NYAP2: variants seen among roughly 807,000 people sequenced by gnomAD.
NYAP2 encodes the protein neuronal tyrosine-phosphorylated phosphoinositide-3-kinase adaptor 2.
Under a neutral mutation model 50.4 loss-of-function variants are expected in NYAP2, and 23 were observed. That is an observed-to-expected ratio of 0.46 (90% CI 0.33 to 0.65). NYAP2 has a LOEUF of 0.65. Ranked by LOEUF, NYAP2 falls within the 30% of genes least tolerant of loss-of-function variation. NYAP2 has a pLI of 0.02. For synonymous variants in NYAP2, 394 were observed against 365.2 expected, an observed-to-expected ratio of 1.08 and a Z score of -0.90; for missense variants, 885 against 861.0, an observed-to-expected ratio of 1.03 and a Z score of -0.35.
chr2:225,668,572 A>C, the NYAP2 span, among the ~76,000 whole-genome samples: 10 of 152,186 alleles, frequency 6.6e-5, no homozygotes, highest in Admixed American at 6.5e-4. Context: ...ATGTTTTCTC[A>C]TGTGACCATC....
intron 6 of NYAP2, among the ~76,000 whole-genome samples, chr2:225,629,460 T>A (rs1693272363): frequency 6.6e-6 from 1 of 152,196 alleles, no homozygotes; most frequent in African/African-American, 2.4e-5. Context: ...AGTTGACACA[T>A]AAAATCACGT....
At chr2:225,566,722 A>T (rs1262624291) in intron 4 of NYAP2, among the ~76,000 whole-genome samples, 1 of 152,238 alleles carries the variant, frequency 6.6e-6, no homozygotes, top group African/African-American at 2.4e-5. Flanking sequence ...TGATGGCTTC[A>T]AAATATTTGG....
chr2:225,567,658 A>G (rs1691985101), intron 4 of NYAP2, among the ~76,000 whole-genome samples: 1 of 151,866 alleles, frequency 6.6e-6, no homozygotes, highest in African/African-American at 2.4e-5. Context: ...GAAGGGGAGG[A>G]GCTGGTGATG....
intron 4 of NYAP2, among the ~76,000 whole-genome samples, chr2:225,516,727 T>C (rs777389963): frequency 6.6e-6 from 1 of 152,198 alleles, no homozygotes; most frequent in Non-Finnish European, 1.5e-5. Flanking sequence ...AAATTATTAA[T>C]ATATCAATAT....
At chr2:225,655,162 A>T (rs1305898254), downstream of NYAP2, among the ~76,000 whole-genome samples, 1 of 152,234 alleles carries the variant, frequency 6.6e-6, no homozygotes, top group African/African-American at 2.4e-5. Flanking sequence ...ATCTGTAGAA[A>T]TGTATAATTG....
chr2:225,551,933 C>T (rs915573333), intron 4 of NYAP2, among the ~76,000 whole-genome samples: 6 of 152,202 alleles, frequency 3.9e-5, no homozygotes, highest in African/African-American at 1.4e-4. Flanking sequence ...CTGCCTCAGC[C>T]TCCCAAATAG....
downstream of NYAP2, among the ~76,000 whole-genome samples, chr2:225,657,519 GAAAAAC>G (rs1693846933): frequency 8.3e-6 from 1 of 120,898 alleles, no homozygotes. Flanking sequence ...GAATCAAGCA[GAAAAAC>G]AAAAACAAGT....
intron 6 of NYAP2, among the ~76,000 whole-genome samples, chr2:225,650,486 T>C (rs1347496092): frequency 6.6e-6 from 1 of 152,238 alleles, no homozygotes; most frequent in Non-Finnish European, 1.5e-5. Flanking sequence ...GTTTATTTAT[T>C]AGGCAAAGAC....
chr2:225,489,863 C>T (rs1690373595), intron 3 of NYAP2, among the ~76,000 whole-genome samples: 1 of 152,164 alleles, frequency 6.6e-6, no homozygotes, highest in Non-Finnish European at 1.5e-5. Context: ...GGGATGGATT[C>T]CAGCACCAGC....
chr2:225,644,271 C>A (rs1293641170), intron 6 of NYAP2, among the ~76,000 whole-genome samples: 2 of 152,262 alleles, frequency 1.3e-5, no homozygotes, highest in Non-Finnish European at 1.5e-5. Context: ...GTCCTTCACC[C>A]ACTTTTTGAT....
At chr2:225,651,519 A>C in exon 7 of NYAP2, 1 of 1,613,972 alleles carries the variant, frequency 6.2e-7, no homozygotes, top group Non-Finnish European at 8.5e-7. Context: ...CAAAGCAGTG[A>C]CCTGCAACAG....
At chr2:225,563,236 G>A (rs779692634) in intron 4 of NYAP2, among the ~76,000 whole-genome samples, 175 of 152,172 alleles carry the variant, frequency 1.2e-3, no homozygotes, top group Non-Finnish European at 1.5e-3. Context: ...AAACAGGGGA[G>A]GGTTCCAAAG....
intron 4 of NYAP2, among the ~76,000 whole-genome samples, chr2:225,541,250 C>G (rs1691466009): frequency 6.6e-6 from 1 of 152,088 alleles, no homozygotes; most frequent in South Asian, 2.1e-4. Context: ...TGTCTCTTCA[C>G]TTTGTTTATT....
In NYAP2 at chr2:225,408,932, A is replaced by C. The variant is rs370728854; in HGVS notation, c.52A>C (p.Thr18Pro). 1.3e-5 allele frequency: 21 copies of C among 1,611,898 alleles called. No individual in the cohort carries two copies. The African/African-American group carries it at 2.0e-4, about 15-fold the overall frequency. Reference sequence around the variant, plus strand: ...TAATCCTGAGGAAGACCCTTTGGACACATTTCTCCAGTACATTGAGGATAT... The same window carrying C: ...TAATCCTGAGGAAGACCCTTTGGACCCATTTCTCCAGTACATTGAGGATAT... Residue 18 changes from threonine (T) to proline (P), a missense_variant, in exon 3 of 7, where the codon ACA (threonine) becomes CCA (proline). Coordinates refer to ENST00000636099, the Ensembl canonical transcript of NYAP2.
the NYAP2 span, among the ~76,000 whole-genome samples, chr2:225,669,330 C>G: frequency 2.6e-5 from 4 of 152,040 alleles, no homozygotes; most frequent in African/African-American, 9.7e-5. Flanking sequence ...AAGGCCTTAA[C>G]GTAGGTTTCT....
rs1693397758 is a variant in NYAP2, at chr2:225,635,482, G to C, written c.1828+8356G>C. Among the ~76,000 whole-genome samples the C allele has an allele frequency of 2.0e-5, 3 of 152,146 alleles. No individual in the cohort carries two copies. The South Asian group carries it at 6.2e-4, about 32-fold the overall frequency. On this transcript the variant is annotated intron_variant, in intron 6 of 6. Coordinates refer to ENST00000636099, the Ensembl canonical transcript of NYAP2. ...CAAAGCCGGTTTATAACAGCTAGTA[G>C]ACAAACGTTTATTCCGTTCCCATTC...
chr2:225,452,909 A>G (rs1689677431), intron 3 of NYAP2, among the ~76,000 whole-genome samples: 1 of 152,124 alleles, frequency 6.6e-6, no homozygotes, highest in Admixed American at 6.5e-5. Context: ...CACAGTAACC[A>G]AATGCCTGTT....
At chr2:225,644,482 T>C (rs1693593386) in intron 6 of NYAP2, among the ~76,000 whole-genome samples, 1 of 151,760 alleles carries the variant, frequency 6.6e-6, no homozygotes, top group Admixed American at 6.6e-5. Context: ...TTTGTTGCCA[T>C]TGCTTTTGGT....
chr2:225,464,659 T>C (rs1194158534), intron 3 of NYAP2, among the ~76,000 whole-genome samples: 2 of 152,192 alleles, frequency 1.3e-5, no homozygotes, highest in African/African-American at 4.8e-5. Context: ...TAACATGAAA[T>C]TTCTGATACT....
Sources: allele counts gnomAD v4.1 joint callset (sites outside exome capture counted in the v4.1 genomes callset), GRCh38; gene constraint gnomAD v4.1.1; transcripts MANE v1.5; gene names NCBI Gene and HGNC (gene_info 2026-07-23, HGNC 2026-07-21).